Variants in TCF12 observed in about 807,000 individuals in gnomAD.
TCF12 encodes transcription factor 12, also known as DNA-binding protein HTF4.
In TCF12, 45 loss-of-function variants were observed where a neutral mutation model predicts 86.0. That is an observed-to-expected ratio of 0.52 (90% CI 0.41 to 0.67). The LOEUF (loss-of-function observed/expected upper bound fraction) is 0.67. Ranked by LOEUF, TCF12 falls within the 30% of genes least tolerant of loss-of-function variation. The pLI is 0.00. For missense variants in TCF12, 881 were observed against 859.9 expected, an observed-to-expected ratio of 1.02 and a Z score of -0.31; for synonymous variants, 330 against 299.6, an observed-to-expected ratio of 1.10 and a Z score of -1.05.
intron 3 of TCF12, among the ~76,000 whole-genome samples, chr15:56,995,230 G>GTTTTTT (rs1440501811): frequency 7.3e-5 from 1 of 13,730 alleles, no homozygotes; most frequent in African/African-American, 2.0e-4. Context: ...GATACCTGCA[G>GTTTTTT]CTTTTTTTTT....
At chr15:56,970,997 T>C (rs564598034) in intron 3 of TCF12, among the ~76,000 whole-genome samples, 1 of 152,128 alleles carries the variant, frequency 6.6e-6, no homozygotes, top group Non-Finnish European at 1.5e-5. Context: ...GAGGCTGTAG[T>C]GTTTGTGCCA....
chr15:57,209,790 C>T (rs1443721272), intron 8 of TCF12, among the ~76,000 whole-genome samples: 5 of 152,188 alleles, frequency 3.3e-5, no homozygotes, highest in East Asian at 1.9e-4. Context: ...TTATAAGACA[C>T]CTGCCACCTT....
At chr15:56,938,644 T>G (rs77793927) in intron 3 of TCF12, among the ~76,000 whole-genome samples, 5,911 of 146,558 alleles carry the variant, frequency 0.04, 326 homozygotes, top group Admixed American at 0.17. Flanking sequence ...TCCGAGACTT[T>G]TTTTTTTTTT....
Position 57,058,583 on chromosome 15 carries a change from A to C in TCF12, c.149-5167A>C, listed in dbSNP as rs139448203. ...TTCCACCGGACTTACTTTCTTACATATGTGTTTTTTAGACTGTTTTATTTG... is the reference window on the plus strand; with the variant it reads ...TTCCACCGGACTTACTTTCTTACATCTGTGTTTTTTAGACTGTTTTATTTG... On this transcript the variant is annotated intron_variant, in intron 3 of 20. Transcript: ENST00000333725. Among the ~76,000 whole-genome samples the C allele has an allele frequency of 1.7e-4, 26 of 152,284 alleles. No homozygotes were observed. The East Asian group carries it at 4.8e-3, about 28-fold the overall frequency.
intron 5 of TCF12, among the ~76,000 whole-genome samples, chr15:57,144,927 A>G (rs1243126391): frequency 1.3e-5 from 2 of 152,180 alleles, no homozygotes; most frequent in East Asian, 1.9e-4. Context: ...TGCACATGTT[A>G]TATGGGTTAC....
intron 16 of TCF12, among the ~76,000 whole-genome samples, chr15:57,254,710 T>G (rs1489043552): frequency 1.3e-5 from 2 of 151,818 alleles, no homozygotes; most frequent in East Asian, 1.9e-4. Flanking sequence ...AAAAAAAAAT[T>G]AGTCTGGCAC....
intron 6 of TCF12, among the ~76,000 whole-genome samples, chr15:57,178,432 G>A (rs11636348): frequency 6.6e-6 from 1 of 151,978 alleles, no homozygotes; most frequent in Non-Finnish European, 1.5e-5. Flanking sequence ...AAAATACAAG[G>A]AATTGAGAAG....
rs558608913 is a variant in TCF12 at position 57,025,472 on chromosome 15, C to G, written c.149-38278C>G. On this transcript the variant is annotated intron_variant, in intron 3 of 20. Coordinates refer to ENST00000333725, the MANE Select transcript of TCF12 (RefSeq NM_207037.2). ...TTTCTTATCTATGCACCTGAATTTT[C>G]CCTTTGGAATTTTGACCACAGAACC... Among the ~76,000 whole-genome samples the G allele has an allele frequency of 2.3e-4, 35 of 152,166 alleles. 1 individual carries two copies. In the South Asian group the frequency reaches 5.8e-3, roughly 25 times the overall value.
chr15:56,938,965 C>T (rs1216376066), intron 3 of TCF12, among the ~76,000 whole-genome samples: 1 of 152,134 alleles, frequency 6.6e-6, no homozygotes, highest in East Asian at 1.9e-4. Flanking sequence ...CTTTAATAAT[C>T]TGATGGAGAC....
intron 19 of TCF12, among the ~76,000 whole-genome samples, chr15:57,281,214 T>C (rs1371950002): frequency 6.6e-6 from 1 of 151,560 alleles, no homozygotes. Flanking sequence ...TCCTTGTACC[T>C]CTCAGCTTAT....
Position 57,223,655 on chromosome 15 carries a change from T to TGTTTTTTTTTTG in TCF12, c.580-7497_580-7496insGTTTTTTTTTTG, listed in dbSNP as rs1555400251. 7.4e-4 allele frequency among the ~76,000 whole-genome samples: 72 copies of TGTTTTTTTTTTG among 97,144 alleles called. 3 individuals are homozygous for TGTTTTTTTTTTG. The highest frequency in any genetic ancestry group is 2.4e-3 in the South Asian group (7 of 2,944). The allele number at this position is 97,144 out of a possible 152,430, so 63.7% of individuals were successfully genotyped here. On this transcript the variant is annotated intron_variant, in intron 8 of 20. Coordinates refer to ENST00000333725, the MANE Select transcript of TCF12 (RefSeq NM_207037.2). ...GCCTACCAATGAGGTTTTTTTTTTTTTTTTTTTTTTTTTTTTAGAAATAGA... is the reference window on the plus strand; with the variant it reads ...GCCTACCAATGAGGTTTTTTTTTTTTGTTTTTTTTTTGTTTTTTTTTTTTTTTTAGAAATAGA...
intron 3 of TCF12, among the ~76,000 whole-genome samples, chr15:56,950,374 C>T (rs144763064): frequency 5.9e-5 from 9 of 151,958 alleles, no homozygotes; most frequent in African/African-American, 1.2e-4. Flanking sequence ...TGCAGGTGCA[C>T]GCCACCATGC....
chr15:57,078,672 T>G (rs1400985329), intron 4 of TCF12, among the ~76,000 whole-genome samples: 1 of 151,946 alleles, frequency 6.6e-6, no homozygotes, highest in Non-Finnish European at 1.5e-5. Context: ...AAAAGATAGG[T>G]AAAAAAATAA....
At chr15:57,256,090 C>T (rs2060333830) in intron 16 of TCF12, among the ~76,000 whole-genome samples, 1 of 152,192 alleles carries the variant, frequency 6.6e-6, no homozygotes, top group African/African-American at 2.4e-5. Flanking sequence ...TATAAAGTTA[C>T]TAGCTGACAA....
At chr15:56,966,645 T>C (rs913000492) in intron 3 of TCF12, among the ~76,000 whole-genome samples, 1 of 152,230 alleles carries the variant, frequency 6.6e-6, no homozygotes, top group Non-Finnish European at 1.5e-5. Context: ...CTGTTGTTAT[T>C]TTTCCTTCAG....
At chr15:56,951,204 A>G (rs1595821227) in intron 3 of TCF12, among the ~76,000 whole-genome samples, 1 of 152,114 alleles carries the variant, frequency 6.6e-6, no homozygotes, top group South Asian at 2.1e-4. Context: ...ATACTTTCTA[A>G]TGGTTTGTAT....
rs754601117 is a variant in TCF12, at chr15:57,262,142, G to A, written c.1516G>A (p.Val506Ile). 2.0e-5 allele frequency: 32 copies of A among 1,613,576 alleles called. 1 individual carries two copies. In the South Asian group the frequency reaches 3.4e-4, roughly 17 times the overall value. Reference sequence around the variant, plus strand: ...TGTCAGTCTCAATGGCAATCATTCAGTCCTGTCTAGTACAGTCACTACTTC... The same window carrying A: ...TGTCAGTCTCAATGGCAATCATTCAATCCTGTCTAGTACAGTCACTACTTC... ...DSVSLNGNHS[V>I]LSSTVTTSST... The change falls in exon 17 of 21, where the codon GTC (valine) becomes ATC (isoleucine). Residue 506 changes from valine to isoleucine, a missense_variant. Val to Ile is a conservative substitution (Grantham distance 29). This residue lies in a region of TCF12 where 766 missense variants were observed against 718.9 expected (regional missense o/e 1.07). Transcript: ENST00000333725.
intron 3 of TCF12, among the ~76,000 whole-genome samples, chr15:56,928,577 A>G (rs1460326450): frequency 6.6e-6 from 1 of 152,222 alleles, no homozygotes; most frequent in African/African-American, 2.4e-5. Context: ...GTAATCAGGC[A>G]TACAAGTAGT....
At chr15:57,107,951 C>T (rs1429593162) in intron 5 of TCF12, among the ~76,000 whole-genome samples, 1 of 151,986 alleles carries the variant, frequency 6.6e-6, no homozygotes, top group Non-Finnish European at 1.5e-5. Flanking sequence ...TTCTGAAGAT[C>T]CATGAATTTC....
Sources: gnomAD v4.1 joint callset for allele counts (sites outside exome capture counted in the v4.1 genomes callset) on GRCh38, gnomAD v4.1.1 for gene constraint, gnomAD v4.1.1 regional missense constraint, MANE v1.5 for transcripts, NCBI Gene and HGNC (gene_info 2026-07-23, HGNC 2026-07-21) for gene names.